The following WWOX variants were observed in gnomAD, a reference collection of about 807,000 sequenced individuals.
WWOX encodes WW domain containing oxidoreductase.
In WWOX, 69 loss-of-function variants were observed where a neutral mutation model predicts 46.2. The ratio of observed to expected loss-of-function variants is 1.49; its 90% CI spans 1.23 to 1.82. The LOEUF is 1.82. WWOX is among the 40% of genes most tolerant of loss of function. The pLI is 0.00. For missense variants in WWOX, 919 were observed against 542.6 expected, an observed-to-expected ratio of 1.69 and a Z score of -6.89; for synonymous variants, 359 against 202.6, an observed-to-expected ratio of 1.77 and a Z score of -6.56.
intron 8 of WWOX, among the ~76,000 whole-genome samples, chr16:79,064,376 T>G (rs1200361322): frequency 6.6e-6 from 1 of 152,192 alleles, no homozygotes; most frequent in African/African-American, 2.4e-5. Context: ...TCTGTAAAAG[T>G]AGGAATAATA....
At chr16:78,735,942 G>C (rs904426617) in intron 8 of WWOX, among the ~76,000 whole-genome samples, 1 of 151,950 alleles carries the variant, frequency 6.6e-6, no homozygotes, top group African/African-American at 2.4e-5. Context: ...GAATAGGTGG[G>C]CCTTCCCAAT....
At chr16:78,396,183 G>A (rs1366354758) in intron 6 of WWOX, among the ~76,000 whole-genome samples, 1 of 152,156 alleles carries the variant, frequency 6.6e-6, no homozygotes, top group Non-Finnish European at 1.5e-5. Flanking sequence ...CTTTCTTACA[G>A]TAGTTGTGAT....
Position 78,753,968 on chromosome 16 carries a change from A to G in WWOX, c.1056+321216A>G, listed in dbSNP as rs181101767. On this transcript the variant is annotated intron_variant, in intron 8 of 8. Coordinates refer to ENST00000566780, the MANE Select transcript of WWOX (RefSeq NM_016373.4). ...GGGGAATTCTGTCTAACACAATCCAATTTATCCATCTCAAGAAAAGAGATA... is the reference window on the plus strand; with the variant it reads ...GGGGAATTCTGTCTAACACAATCCAGTTTATCCATCTCAAGAAAAGAGATA... Among the ~76,000 whole-genome samples the G allele has an allele frequency of 1.9e-3, 286 of 149,858 alleles. 1 individual carries two copies. Among genetic ancestry groups the G allele is most frequent in the African/African-American group, 6.4e-3 (262 of 41,022 alleles).
At chr16:78,902,983 C>T (rs190732448) in intron 8 of WWOX, among the ~76,000 whole-genome samples, 52 of 152,226 alleles carry the variant, frequency 3.4e-4, no homozygotes, top group African/African-American at 9.1e-4. Context: ...TTGTTACCAG[C>T]GGAGGGTGTC....
rs113481809 is a variant in WWOX, at chr16:78,592,963, C to G, written c.1056+160211C>G. Among the ~76,000 whole-genome samples the G allele has an allele frequency of 3.9e-4, 60 of 152,310 alleles. 2 individuals are homozygous for G. Among genetic ancestry groups the G allele is most frequent in the African/African-American group, 1.4e-3 (58 of 41,580 alleles). ...AGCCCCACCCAACACTACTGCTTCTCTCCCAGTGGTGGTGATTTAGTTGCT... is the reference window on the plus strand; with the variant it reads ...AGCCCCACCCAACACTACTGCTTCTGTCCCAGTGGTGGTGATTTAGTTGCT... On this transcript the variant is annotated intron_variant, in intron 8 of 8. Coordinates refer to ENST00000566780, the MANE Select transcript of WWOX (RefSeq NM_016373.4).
At chr16:78,939,684 T>C (rs12925128) in intron 8 of WWOX, among the ~76,000 whole-genome samples, 94,601 of 152,122 alleles carry the variant, frequency 0.62, 29,492 homozygotes, top group Middle Eastern at 0.67. Context: ...CCCTGAAACA[T>C]GAAAGTGTTT....
chr16:78,283,046 G>A (rs2079706902), intron 5 of WWOX, among the ~76,000 whole-genome samples: 1 of 152,074 alleles, frequency 6.6e-6, no homozygotes, highest in Non-Finnish European at 1.5e-5. Flanking sequence ...AGTCAGCGAT[G>A]AGCCAGTGTC....
At chr16:78,716,798 A>C (rs1178028826) in intron 8 of WWOX, among the ~76,000 whole-genome samples, 1 of 152,122 alleles carries the variant, frequency 6.6e-6, no homozygotes, top group Non-Finnish European at 1.5e-5. Flanking sequence ...GTGGCCCAGC[A>C]TTGTCTTGGT....
At chr16:78,934,741 A>G (rs550577259) in intron 8 of WWOX, among the ~76,000 whole-genome samples, 2 of 152,220 alleles carry the variant, frequency 1.3e-5, no homozygotes, top group East Asian at 1.9e-4. Context: ...TAAAAGGACA[A>G]TGACATGATA....
chr16:78,217,144 G>A (rs1349461994), intron 5 of WWOX, among the ~76,000 whole-genome samples: 2 of 152,200 alleles, frequency 1.3e-5, no homozygotes, highest in Non-Finnish European at 2.9e-5. Flanking sequence ...GACATCTTTG[G>A]TTGGGAAATG....
chr16:78,413,560 A>G (rs568641441), intron 6 of WWOX, among the ~76,000 whole-genome samples: 1 of 152,268 alleles, frequency 6.6e-6, no homozygotes, highest in Admixed American at 6.5e-5. Context: ...AGGTAGGGAC[A>G]GAAGCAAATC....
At position 78,478,424 on chromosome 16, in the gene WWOX, C is replaced by T. The variant is rs138889064; in HGVS notation, c.1056+45672C>T. 1.2e-3 allele frequency among the ~76,000 whole-genome samples: 179 copies of T among 152,224 alleles called. 1 individual carries two copies. The highest frequency in any genetic ancestry group is 4.0e-3 in the African/African-American group (168 of 41,532). ...GCATGAATGGCCATATTTACCACCCCGGGGTTCCTTTTCAGACTCCGGAAA... is the reference window on the plus strand; with the variant it reads ...GCATGAATGGCCATATTTACCACCCTGGGGTTCCTTTTCAGACTCCGGAAA... On this transcript the variant is annotated intron_variant, in intron 8 of 8. Coordinates refer to ENST00000566780, the MANE Select transcript of WWOX (RefSeq NM_016373.4).
intron 8 of WWOX, among the ~76,000 whole-genome samples, chr16:78,943,573 T>C (rs2045893755): frequency 6.6e-6 from 1 of 152,166 alleles, no homozygotes; most frequent in East Asian, 1.9e-4. Context: ...TCACCATTGA[T>C]CAGTCCTGGG....
At chr16:78,852,709 A>G (rs2052476660) in intron 8 of WWOX, among the ~76,000 whole-genome samples, 1 of 152,230 alleles carries the variant, frequency 6.6e-6, no homozygotes, top group Non-Finnish European at 1.5e-5. Flanking sequence ...ATATTAATAC[A>G]GAGCCCATAT....
chr16:78,215,613 A>G (rs1314716116), intron 5 of WWOX, among the ~76,000 whole-genome samples: 1 of 152,160 alleles, frequency 6.6e-6, no homozygotes, highest in Non-Finnish European at 1.5e-5. Flanking sequence ...CTCGGGTAGT[A>G]TCTTCATAGC....
intron 8 of WWOX, among the ~76,000 whole-genome samples, chr16:79,067,371 C>A (rs933061839): frequency 6.6e-6 from 1 of 152,166 alleles, no homozygotes; most frequent in African/African-American, 2.4e-5. Flanking sequence ...CGCTCTCTCT[C>A]TTTCTCTCTC....
At chr16:78,557,576 T>C (rs1204757001) in intron 8 of WWOX, among the ~76,000 whole-genome samples, 2 of 152,074 alleles carry the variant, frequency 1.3e-5, no homozygotes, top group Non-Finnish European at 2.9e-5. Flanking sequence ...GGAGTGGCAC[T>C]ATAGCTGAAG....
chr16:78,905,492 C>A (rs937966119), intron 8 of WWOX, among the ~76,000 whole-genome samples: 10 of 152,114 alleles, frequency 6.6e-5, no homozygotes, highest in African/African-American at 2.4e-4. Flanking sequence ...AGTAATCCTC[C>A]CACCTCAGCC....
intron 8 of WWOX, among the ~76,000 whole-genome samples, chr16:79,160,044 T>C (rs1375952486): frequency 2.0e-5 from 3 of 152,234 alleles, no homozygotes; most frequent in Non-Finnish European, 2.9e-5. Flanking sequence ...AAATGTCTGC[T>C]GCTGGGTGCT....
Sources: allele counts gnomAD v4.1 joint callset (sites outside exome capture counted in the v4.1 genomes callset), GRCh38; gene constraint gnomAD v4.1.1; transcripts MANE v1.5; gene names NCBI Gene and HGNC (gene_info 2026-07-23, HGNC 2026-07-21).